ACOXL: variants seen among roughly 807,000 people sequenced by gnomAD.
ACOXL encodes acyl-CoA oxidase like.
A neutral mutation model predicts 71.9 loss-of-function variants in ACOXL; 70 were observed. That is an observed-to-expected ratio of 0.97 (90% CI 0.80 to 1.19). ACOXL has a LOEUF of 1.19. Ranked by LOEUF, ACOXL falls within the 50% of genes most tolerant of loss-of-function variation. ACOXL has a pLI of 0.00. For missense variants in ACOXL, 703 were observed against 736.3 expected, an observed-to-expected ratio of 0.95 and a Z score of 0.52; for synonymous variants, 253 against 281.6, an observed-to-expected ratio of 0.90 and a Z score of 1.02.
At chr2:110,961,508 C>G (rs2061697734) in intron 12 of ACOXL, among the ~76,000 whole-genome samples, 1 of 152,150 alleles carries the variant, frequency 6.6e-6, no homozygotes, top group South Asian at 2.1e-4. Flanking sequence ...CAGAAAACAA[C>G]AAAGAGCCTG....
chr2:111,027,933 C>G (rs995001089), intron 14 of ACOXL, among the ~76,000 whole-genome samples: 1 of 152,052 alleles, frequency 6.6e-6, no homozygotes, highest in Non-Finnish European at 1.5e-5. Flanking sequence ...ACCTGTAATT[C>G]CAGCAACTTT....
At chr2:110,754,348 A>C (rs1397801708) in intron 1 of ACOXL, among the ~76,000 whole-genome samples, 1 of 152,084 alleles carries the variant, frequency 6.6e-6, no homozygotes, top group Non-Finnish European at 1.5e-5. Flanking sequence ...CTGAGATTAC[A>C]GGTGTGAGCC....
intron 14 of ACOXL, among the ~76,000 whole-genome samples, chr2:111,001,096 T>C (rs1156439389): frequency 6.6e-6 from 1 of 152,256 alleles, no homozygotes; most frequent in African/African-American, 2.4e-5. Context: ...AAAGGCCTTC[T>C]GAGTTTACAA....
At chr2:110,880,180 AAAG>A (rs1284995292) in intron 10 of ACOXL, among the ~76,000 whole-genome samples, 1 of 151,586 alleles carries the variant, frequency 6.6e-6, no homozygotes, top group African/African-American at 2.4e-5. Flanking sequence ...AAAGAAAAGA[AAAG>A]AAAGGAAAAA....
At chr2:111,054,225 C>T (rs80221856) in intron 16 of ACOXL, among the ~76,000 whole-genome samples, 8,480 of 152,262 alleles carry the variant, frequency 0.056, 306 homozygotes, top group Middle Eastern at 0.11. Flanking sequence ...GAAAATAAAG[C>T]TTGGCTTATT....
intron 12 of ACOXL, among the ~76,000 whole-genome samples, chr2:110,978,103 T>G (rs1028519066): frequency 6.6e-6 from 1 of 152,208 alleles, no homozygotes; most frequent in African/African-American, 2.4e-5. Context: ...AGTCCATGTC[T>G]TCTTCTGTAA....
In ACOXL at chr2:111,081,754, A is replaced by G. The variant is rs192658773; in HGVS notation, c.1441-11111A>G. Among the ~76,000 whole-genome samples, 13 of 152,284 alleles carry G rather than the reference A, an allele frequency of 8.5e-5. No individual in the cohort carries two copies. In the East Asian group the frequency reaches 2.1e-3, roughly 25 times the overall value. On this transcript the variant is annotated intron_variant, in intron 16 of 17. Coordinates refer to ENST00000439055, the MANE Select transcript of ACOXL (RefSeq NM_001142807.4). Reference sequence around the variant, plus strand: ...AAAGGAACAAAGCTGGAGGCATCACACTACCTGACTTCAAACTATACTACA... The same window carrying G: ...AAAGGAACAAAGCTGGAGGCATCACGCTACCTGACTTCAAACTATACTACA...
chr2:110,986,457 T>G (rs2149547910), intron 12 of ACOXL, among the ~76,000 whole-genome samples: 1 of 152,328 alleles, frequency 6.6e-6, no homozygotes, highest in Middle Eastern at 3.4e-3. Flanking sequence ...TGGTCTTCCC[T>G]GGGCTCACTC....
intron 17 of ACOXL, among the ~76,000 whole-genome samples, chr2:111,103,980 C>T (rs2069354459): frequency 6.6e-6 from 1 of 152,154 alleles, no homozygotes; most frequent in South Asian, 2.1e-4. Flanking sequence ...CACCCTCTTC[C>T]CTTCCTTTAC....
intron 1 of ACOXL, among the ~76,000 whole-genome samples, chr2:110,741,553 G>A (rs564733593): frequency 1.3e-5 from 2 of 152,264 alleles, no homozygotes; most frequent in African/African-American, 4.8e-5. Context: ...GTGCACCCGC[G>A]TGTTTGTGTG....
intron 15 of ACOXL, among the ~76,000 whole-genome samples, chr2:111,038,309 G>A (rs907444124): frequency 3.9e-5 from 6 of 152,210 alleles, no homozygotes; most frequent in Non-Finnish European, 8.8e-5. Context: ...CCCAGTGCTC[G>A]TTGGAGCTGA....
chr2:110,834,992 G>C (rs976309875), intron 9 of ACOXL, among the ~76,000 whole-genome samples: 3 of 152,254 alleles, frequency 2.0e-5, no homozygotes, highest in African/African-American at 7.2e-5. Flanking sequence ...GTGAGGAATG[G>C]CAGCATAATG....
At chr2:111,059,757 C>T (rs548856936) in intron 16 of ACOXL, among the ~76,000 whole-genome samples, 20 of 132,010 alleles carry the variant, frequency 1.5e-4, no homozygotes, top group African/African-American at 5.3e-4. Context: ...AAAAAGCTAA[C>T]GCACACAAAG....
intron 16 of ACOXL, among the ~76,000 whole-genome samples, chr2:111,091,659 G>A (rs1170588091): frequency 6.6e-6 from 1 of 152,126 alleles, no homozygotes; most frequent in East Asian, 1.9e-4. Flanking sequence ...ATCTTTATTG[G>A]TGTCATGTAA....
intron 17 of ACOXL, chr2:111,094,301 A>G (rs2068693060): frequency 6.6e-6 from 1 of 152,266 alleles, no homozygotes; most frequent in Non-Finnish European, 1.5e-5. Flanking sequence ...GTATTTCTGT[A>G]TAACAAATGA....
At chr2:111,088,074 A>G (rs568939998) in intron 16 of ACOXL, among the ~76,000 whole-genome samples, 12 of 152,368 alleles carry the variant, frequency 7.9e-5, no homozygotes, top group Admixed American at 5.9e-4. Context: ...GAGAAATGCA[A>G]ATAAAAACCA....
chr2:110,801,985 A>G (rs1003859843), intron 8 of ACOXL, among the ~76,000 whole-genome samples: 2 of 152,232 alleles, frequency 1.3e-5, no homozygotes, highest in African/African-American at 4.8e-5. Context: ...CTATGCCCAT[A>G]TGTCTAAAGA....
chr2:110,948,824 AG>A (rs1043927114), intron 12 of ACOXL, among the ~76,000 whole-genome samples: 8 of 151,816 alleles, frequency 5.3e-5, no homozygotes, highest in Admixed American at 5.2e-4. Context: ...AGTGGGCACC[AG>A]GCAAGCAGCA....
intron 16 of ACOXL, among the ~76,000 whole-genome samples, chr2:111,065,384 G>A (rs570028693): frequency 6.6e-6 from 1 of 152,310 alleles, no homozygotes; most frequent in East Asian, 1.9e-4. Context: ...GGACTTAAAT[G>A]TACATAAAAT....
Sources: allele counts gnomAD v4.1 joint callset (sites outside exome capture counted in the v4.1 genomes callset), GRCh38; gene constraint gnomAD v4.1.1; transcripts MANE v1.5; gene names NCBI Gene and HGNC (gene_info 2026-07-23, HGNC 2026-07-21).